Variants in SEC63 observed in about 807,000 individuals in gnomAD.
The protein encoded by SEC63 is SEC63 protein translocation regulator.
SEC63 carries 56 observed loss-of-function variants against 116.2 expected under a neutral mutation model. The ratio of observed to expected loss-of-function variants is 0.48; its 90% CI spans 0.39 to 0.60. The LOEUF (loss-of-function observed/expected upper bound fraction) is 0.60. SEC63 is among the 20% of genes least tolerant of loss of function. The pLI is 0.00. For synonymous variants in SEC63, 273 were observed against 294.6 expected (o/e 0.93, Z 0.75); for missense variants, 668 against 900.0 (o/e 0.74, Z 3.30).
At chr6:107,906,976 AACC>A (rs781183993) in intron 8 of SEC63, among the ~76,000 whole-genome samples, 199 bp from the exon 9 acceptor site, 1 of 152,214 alleles carries the variant, frequency 6.6e-6, no homozygotes, top group Non-Finnish European at 1.5e-5. Context: ...ACACAGTATC[AACC>A]ACCACAAGTG....
chr6:107,921,977 T>C (rs982718986), intron 3 of SEC63, 68 bp from the exon 4 acceptor site: 24 of 903,770 alleles, frequency 2.7e-5, no homozygotes, highest in Non-Finnish European at 4.1e-5. Context: ...TGTAAAGAAA[T>C]AATCAATCCT....
In SEC63 at chr6:107,899,712, G is replaced by T. The variant is rs539904986; in HGVS notation, c.1357+1658C>A. Among the ~76,000 whole-genome samples the T allele has an allele frequency of 7.7e-3, 464 of 60,062 alleles. 3 individuals carry two copies. Among genetic ancestry groups the T allele is most frequent in the African/African-American group, 0.031 (435 of 13,880 alleles). The allele number at this position is 60,062 out of a possible 152,430, so 39.4% of individuals were successfully genotyped here. A position where few individuals can be genotyped will look rare whatever the true frequency, so the allele number is the denominator to read the frequency against. On this transcript the variant is annotated intron_variant, in intron 13 of 20. Coordinates refer to ENST00000369002, the MANE Select transcript of SEC63 (RefSeq NM_007214.5). ...TCAGCCTGGGCAACAGAGCAAGACT[G>T]TCTCAAAAAAAAAAAGAAAAGAAAA...
Position 107,957,948 on chromosome 6 carries a change from G to A in SEC63, c.62C>T (p.Ser21Phe). 6.2e-7 allele frequency: 1 copy of A among 1,613,518 alleles called. No individual in the cohort carries two copies. Reference sequence around the variant, plus strand: ...CGGGATCACGATGAGCCCCACGAAGGAGGTGAGGAAGTAGAAGAAGGTGTT... The same window carrying A: ...CGGGATCACGATGAGCCCCACGAAGAAGGTGAGGAAGTAGAAGAAGGTGTT... Reference protein sequence around the residue: ...SGNTFFYFLTSFVGLIVIPAT... With the variant: ...SGNTFFYFLTFFVGLIVIPAT... Residue 21 changes from serine (S) to phenylalanine (F), a missense_variant, in exon 1 of 21, where the codon TCC becomes TTC. Ser to Phe is a radical substitution (Grantham distance 155). Transcript: ENST00000369002.
chr6:107,907,923 T>A (rs1035125519), intron 8 of SEC63, among the ~76,000 whole-genome samples: 1 of 152,164 alleles, frequency 6.6e-6, no homozygotes, highest in Non-Finnish European at 1.5e-5. Context: ...TCAAAATGAT[T>A]GAGGCAAAAA....
intron 1 of SEC63, among the ~76,000 whole-genome samples, chr6:107,945,358 G>A (rs1770460762): frequency 6.7e-6 from 1 of 149,492 alleles, no homozygotes; most frequent in Non-Finnish European, 1.5e-5. Context: ...CCAGGCTGGA[G>A]TGCAATGGTG....
intron 1 of SEC63, among the ~76,000 whole-genome samples, chr6:107,954,308 T>C (rs2114524871): frequency 6.6e-6 from 1 of 151,734 alleles, no homozygotes; most frequent in Middle Eastern, 3.4e-3. Flanking sequence ...TAATCTCAAG[T>C]ACCCAGGGAC....
Position 107,885,263 on chromosome 6 carries a change from GAA to G in SEC63, c.1675-2119_1675-2118del, listed in dbSNP as rs1786501657. ...CACAGATGGCAACACTGCATATGTA[GAA>G]AATCTTTATTAAAATGTCTACAAAT... On this transcript the variant is annotated intron_variant, in intron 16 of 20. Transcript: ENST00000369002. 2.0e-5 allele frequency among the ~76,000 whole-genome samples: 3 copies of G among 152,204 alleles called. No homozygotes were observed. The South Asian group carries it at 6.2e-4, about 31-fold the overall frequency.
Position 107,901,473 on chromosome 6 carries a change from T to C in SEC63, c.1254A>G (p.Ser418=), listed in dbSNP as rs1471055535. The change falls in exon 13 of 21, where the codon TCA becomes TCG. Residue 418 remains serine, a synonymous_variant. Transcript: ENST00000369002. ...GGAAGTGCAGTAGAGTGTGACGATC[T>C]GATTCTTTTAAACTCACCAAATCCT... ...TIQDLVSLKE[S]DRHTLLHFLE... 1 of 1,608,850 alleles carries C rather than the reference T, an allele frequency of 6.2e-7. No individual in the cohort carries two copies. Among genetic ancestry groups the C allele is most frequent in the Non-Finnish European group, 8.5e-7 (1 of 1,175,382 alleles).
intron 3 of SEC63, 22 bp downstream of exon 3, chr6:107,924,796 A>G (rs752957694): frequency 2.2e-5 from 24 of 1,072,298 alleles, no homozygotes; most frequent in Non-Finnish European, 3.2e-5. Flanking sequence ...ACTAATATGC[A>G]TTATATAAAA....
At chr6:107,944,555 C>T (rs1368648190) in intron 1 of SEC63, among the ~76,000 whole-genome samples, 1 of 151,960 alleles carries the variant, frequency 6.6e-6, no homozygotes, top group Admixed American at 6.6e-5. Flanking sequence ...AAATTAGCTG[C>T]AGGTGGTGGT....
At chr6:107,910,435 T>C (rs1162788185) in intron 7 of SEC63, among the ~76,000 whole-genome samples, 2 of 152,186 alleles carry the variant, frequency 1.3e-5, no homozygotes. Context: ...ACCACCTTAC[T>C]ATACAGCAAG....
intron 18 of SEC63, chr6:107,877,312 A>C (rs1358855178): frequency 6.6e-6 from 1 of 152,220 alleles, no homozygotes; most frequent in East Asian, 1.9e-4. Flanking sequence ...TTAAAACAAA[A>C]TAAACTCTAG....
intron 14 of SEC63, among the ~76,000 whole-genome samples, chr6:107,897,399 TC>T (rs1156396652): frequency 8.5e-5 from 13 of 152,300 alleles, no homozygotes; most frequent in Non-Finnish European, 1.9e-4. Context: ...AAGAACTATA[TC>T]CACATTACTT....
intron 4 of SEC63, among the ~76,000 whole-genome samples, chr6:107,921,170 C>T (rs1787547096): frequency 6.6e-6 from 1 of 151,526 alleles, no homozygotes; most frequent in Admixed American, 6.6e-5. Flanking sequence ...CTACACATTG[C>T]CAAAACAAGA....
At chr6:107,896,616 A>C (rs944704186) in intron 14 of SEC63, among the ~76,000 whole-genome samples, 6 of 151,306 alleles carry the variant, frequency 4.0e-5, no homozygotes, top group Non-Finnish European at 8.8e-5. Flanking sequence ...GGAGAAAGAC[A>C]GAAGACGACA....
intron 16 of SEC63, among the ~76,000 whole-genome samples, chr6:107,887,399 C>T: frequency 6.9e-6 from 1 of 144,474 alleles, no homozygotes; most frequent in Non-Finnish European, 1.5e-5. Context: ...ACATATACAC[C>T]ATGGAATACT....
intron 7 of SEC63, among the ~76,000 whole-genome samples, chr6:107,910,765 T>G (rs1378799835): frequency 6.6e-6 from 1 of 152,206 alleles, no homozygotes; most frequent in Admixed American, 6.5e-5. Context: ...TTGTAACTTT[T>G]GTGATTTTTG....
chr6:107,919,438 C>G (rs940275901), intron 4 of SEC63, among the ~76,000 whole-genome samples: 7 of 152,154 alleles, frequency 4.6e-5, no homozygotes, highest in African/African-American at 1.7e-4. Flanking sequence ...ATGCTGTGAA[C>G]ATTGTTGAAA....
At chr6:107,912,811 T>C in intron 5 of SEC63, 37 bp from the exon 6 acceptor site, 3 of 1,444,710 alleles carry the variant, frequency 2.1e-6, no homozygotes, top group Non-Finnish European at 2.9e-6. Context: ...GAAGAATCTC[T>C]ACTTTCAGTT....
Sources: gnomAD v4.1 joint callset for allele counts (sites outside exome capture counted in the v4.1 genomes callset) on GRCh38, gnomAD v4.1.1 for gene constraint, MANE v1.5 for transcripts, NCBI Gene and HGNC (gene_info 2026-07-23, HGNC 2026-07-21) for gene names.